Variants in PMEPA1 observed in about 807,000 individuals in gnomAD.
PMEPA1 encodes prostate transmembrane protein, androgen induced 1, also known as protein TMEPAI.
PMEPA1 carries 11 observed loss-of-function variants against 23.0 expected under a neutral mutation model. The ratio of observed to expected loss-of-function variants is 0.48; its 90% CI spans 0.30 to 0.79. The LOEUF (loss-of-function observed/expected upper bound fraction) is 0.79, where lower values mean the gene tolerates loss of function less well. Ranked by LOEUF, PMEPA1 falls within the 30% of genes least tolerant of loss-of-function variation. PMEPA1 has a pLI of 0.06. For synonymous variants in PMEPA1, 204 were observed against 166.4 expected, an observed-to-expected ratio of 1.23 and a Z score of -1.74; for missense variants, 377 against 390.9, an observed-to-expected ratio of 0.96 and a Z score of 0.30.
intron 1 of PMEPA1, among the ~76,000 whole-genome samples, chr20:57,672,338 A>G (rs886430869): frequency 6.6e-6 from 1 of 152,380 alleles, no homozygotes; most frequent in Non-Finnish European, 1.5e-5. Flanking sequence ...GATTTTCAAG[A>G]GCCTGGTGTT....
chr20:57,660,941 C>T (rs2071410187), intron 1 of PMEPA1, among the ~76,000 whole-genome samples: 2 of 152,192 alleles, frequency 1.3e-5, no homozygotes, highest in African/African-American at 4.8e-5. Flanking sequence ...CACTTCCCAA[C>T]AGACACAAAC....
chr20:57,705,488 T>C (rs2072069318), intron 1 of PMEPA1, among the ~76,000 whole-genome samples: 2 of 152,144 alleles, frequency 1.3e-5, no homozygotes, highest in African/African-American at 4.8e-5. Context: ...ATCCAAAACA[T>C]CAGCTTTCAC....
chr20:57,662,889 A>C (rs950719882), intron 1 of PMEPA1, among the ~76,000 whole-genome samples: 1 of 152,128 alleles, frequency 6.6e-6, no homozygotes, highest in Admixed American at 6.5e-5. Flanking sequence ...GACAGCAGTG[A>C]GACGGTAGCT....
intron 1 of PMEPA1, among the ~76,000 whole-genome samples, chr20:57,692,565 C>G (rs371714042): frequency 2.0e-5 from 3 of 152,228 alleles, no homozygotes; most frequent in African/African-American, 7.2e-5. Context: ...CTGCAGCTGG[C>G]GGGTCACGAG....
At chr20:57,663,764 C>T (rs769826332) in intron 1 of PMEPA1, among the ~76,000 whole-genome samples, 1 of 152,204 alleles carries the variant, frequency 6.6e-6, no homozygotes, top group Non-Finnish European at 1.5e-5. Context: ...CATGCCCAGA[C>T]CTGGAGGTGT....
At chr20:57,687,584 T>C (rs2071818103) in intron 1 of PMEPA1, among the ~76,000 whole-genome samples, 1 of 152,226 alleles carries the variant, frequency 6.6e-6, no homozygotes, top group Admixed American at 6.5e-5. Flanking sequence ...GAAGGCTCTA[T>C]CCATCAGGCA....
intron 1 of PMEPA1, among the ~76,000 whole-genome samples, chr20:57,688,810 T>C (rs1477079042): frequency 6.6e-6 from 1 of 152,308 alleles, no homozygotes; most frequent in African/African-American, 2.4e-5. Context: ...TGGAGCTTCT[T>C]GTCACTAACG....
In PMEPA1 at chr20:57,683,547, C is replaced by CTGTGTGTGTG. The variant is rs56747812; in HGVS notation, c.110-23851_110-23850insCACACACACA. Among the ~76,000 whole-genome samples, 480 of 139,946 alleles carry CTGTGTGTGTG rather than the reference C, an allele frequency of 3.4e-3. 3 individuals carry two copies. The South Asian group carries it at 0.04, about 12-fold the overall frequency. The allele number at this position is 139,946 out of a possible 152,430, so 91.8% of individuals were successfully genotyped here. On this transcript the variant is annotated intron_variant, in intron 1 of 3. Coordinates refer to ENST00000341744, the MANE Select transcript of PMEPA1 (RefSeq NM_020182.5). The surrounding 1 kb of genome is among the most constrained non-coding windows in gnomAD (Gnocchi z 4.3). ...ACTAACTCGGTGGTGGTGTTCTGGCCTGTGTGCGTGTGTGTGTGTGTGTGT... is the reference window on the plus strand; with the variant it reads ...ACTAACTCGGTGGTGGTGTTCTGGCCTGTGTGTGTGTGTGTGCGTGTGTGTGTGTGTGTGT...
chr20:57,672,277 G>A (rs1315501350), intron 1 of PMEPA1, among the ~76,000 whole-genome samples: 1 of 152,246 alleles, frequency 6.6e-6, no homozygotes, highest in African/African-American at 2.4e-5. Context: ...CTCGCCACTC[G>A]GCAAGCACCT....
At chr20:57,705,767 G>C (rs890949725) in intron 1 of PMEPA1, among the ~76,000 whole-genome samples, 1 of 152,172 alleles carries the variant, frequency 6.6e-6, no homozygotes, top group Non-Finnish European at 1.5e-5. Context: ...TCTCAGTAGG[G>C]GGCATTTGAC....
intron 1 of PMEPA1, among the ~76,000 whole-genome samples, chr20:57,701,038 A>AG (rs2072004370): frequency 6.6e-6 from 1 of 152,010 alleles, no homozygotes; most frequent in African/African-American, 2.4e-5. Context: ...TCAAAAAAAA[A>AG]GAAAAGAAAA....
At chr20:57,673,659 G>A (rs2071599402) in intron 1 of PMEPA1, among the ~76,000 whole-genome samples, 1 of 152,198 alleles carries the variant, frequency 6.6e-6, no homozygotes, top group African/African-American at 2.4e-5. Context: ...GGGACTCCCA[G>A]CTACAAGGAA....
rs1333288912 is a variant in PMEPA1, at chr20:57,656,501, C to G, written c.264+3042G>C. Among the ~76,000 whole-genome samples, 1 of 152,112 alleles carries G rather than the reference C, an allele frequency of 6.6e-6. No individual in the cohort carries two copies. The highest frequency in any genetic ancestry group is 2.0e-4 in the East Asian group (1 of 5,116). ...ACTGGGATTGCCTTTCTGGGTAAACCTGAAGTCTGCGCCACTCCGTGGCTG... is the reference window on the plus strand; with the variant it reads ...ACTGGGATTGCCTTTCTGGGTAAACGTGAAGTCTGCGCCACTCCGTGGCTG... On this transcript the variant is annotated intron_variant, in intron 2 of 3. Coordinates refer to ENST00000341744, the MANE Select transcript of PMEPA1 (RefSeq NM_020182.5). This position sits in a 1 kb window ranked among gnomAD's most constrained non-coding sequence, Gnocchi z 4.7.
intron 1 of PMEPA1, among the ~76,000 whole-genome samples, chr20:57,707,006 G>C (rs966357521): frequency 6.6e-6 from 1 of 152,134 alleles, no homozygotes; most frequent in African/African-American, 2.4e-5. Flanking sequence ...TCATTCTTCA[G>C]ATGAAGACAG....
intron 1 of PMEPA1, chr20:57,691,715 A>G (rs157106): frequency 0.63 from 95,681 of 152,114 alleles, 32,029 homozygotes; most frequent in African/African-American, 0.87. Flanking sequence ...CACCCCTCTC[A>G]GAGGAAGAAG....
chr20:57,680,075 C>G (rs941563075), intron 1 of PMEPA1, among the ~76,000 whole-genome samples: 15 of 152,314 alleles, frequency 9.8e-5, no homozygotes, highest in African/African-American at 3.4e-4. Context: ...GGCATGGAGT[C>G]TGGCTTGCAC....
At chr20:57,710,409 T>C, upstream of PMEPA1, 1 of 1,580,124 alleles carries the variant, frequency 6.3e-7, no homozygotes, top group Non-Finnish European at 8.6e-7. Context: ...CCCTGGGGGC[T>C]CAGGGAAGAG....
At chr20:57,693,619 G>C (rs1478925246) in intron 1 of PMEPA1, among the ~76,000 whole-genome samples, 3 of 152,200 alleles carry the variant, frequency 2.0e-5, no homozygotes, top group African/African-American at 7.2e-5. Flanking sequence ...AGCTAAAAAG[G>C]TACATGAGGA....
At chr20:57,710,600 G>T (rs989098991), upstream of PMEPA1, 3 of 846,584 alleles carry the variant, frequency 3.5e-6, no homozygotes, top group East Asian at 9.2e-5. Context: ...AGACACGCCC[G>T]GAAGCCCTTG....
Sources: gnomAD v4.1 joint callset for allele counts (sites outside exome capture counted in the v4.1 genomes callset) on GRCh38, gnomAD v4.1.1 for gene constraint, Gnocchi (gnomAD v3.1) non-coding constraint, MANE v1.5 for transcripts, NCBI Gene and HGNC (gene_info 2026-07-23, HGNC 2026-07-21) for gene names.